The following ANKRD30A variants were observed in gnomAD, a reference collection of about 807,000 sequenced individuals.
ANKRD30A encodes the protein ankyrin repeat domain 30A.
A neutral mutation model predicts 166.3 loss-of-function variants in ANKRD30A; 170 were observed. The observed-to-expected ratio is 1.02, with a 90% CI of 0.90 to 1.16. The LOEUF (loss-of-function observed/expected upper bound fraction) is 1.16. ANKRD30A is among the 50% of genes most tolerant of loss of function. The pLI, the probability that ANKRD30A is intolerant of heterozygous loss-of-function variation, is 0.00. For missense variants in ANKRD30A, 1,630 were observed against 1,518.0 expected, an observed-to-expected ratio of 1.07 and a Z score of -1.23; for synonymous variants, 564 against 508.9, an observed-to-expected ratio of 1.11 and a Z score of -1.46.
At position 37,132,328 on chromosome 10, in the gene ANKRD30A, C is replaced by T. The variant is rs768887908; in HGVS notation, c.599C>T (p.Ala200Val). The change falls in exon 4 of 36, where the codon GCA becomes GTA. Residue 200 changes from alanine to valine, a missense_variant. This residue lies in a region of ANKRD30A where 904 missense variants were observed against 818.5 expected (regional missense o/e 1.10). Transcript: ENST00000361713. ...CTGATAAAAAATGCAAATGCGAATG[C>T]AGTTAATAAGTATAAATGGTATAGT... ...FLLIKNANAN[A>V]VNKYKCTALM... 9 of 1,596,498 alleles carry T rather than the reference C, an allele frequency of 5.6e-6. No homozygotes were observed. The highest frequency in any genetic ancestry group is 7.7e-6 in the Non-Finnish European group (9 of 1,170,156).
At chr10:37,244,552 C>A in the ANKRD30A span, among the ~76,000 whole-genome samples, 2 of 152,248 alleles carry the variant, frequency 1.3e-5, no homozygotes, top group African/African-American at 4.8e-5. Context: ...TTCTGTGTGA[C>A]CAGTCTCTTG....
chr10:37,204,602 GC>G (rs987767914), intron 31 of ANKRD30A, among the ~76,000 whole-genome samples: 20 of 152,112 alleles, frequency 1.3e-4, no homozygotes, highest in African/African-American at 4.6e-4. Flanking sequence ...GGCAACAAAA[GC>G]CAAAATTGAC....
chr10:37,193,507 T>C (rs1840777400), intron 27 of ANKRD30A, among the ~76,000 whole-genome samples: 1 of 152,160 alleles, frequency 6.6e-6, no homozygotes, highest in South Asian at 2.1e-4. Context: ...GGATAAAGTT[T>C]CCAATTTGCA....
At position 37,220,338 on chromosome 10, in the gene ANKRD30A, C is replaced by A. The variant is rs1842844212; in HGVS notation, c.4185+441C>A. 4.0e-5 allele frequency among the ~76,000 whole-genome samples: 6 copies of A among 151,106 alleles called. No individual in the cohort carries two copies. The South Asian group carries it at 1.2e-3, about 31-fold the overall frequency. On this transcript the variant is annotated intron_variant, in intron 34 of 35. Coordinates refer to ENST00000361713, the MANE Select transcript of ANKRD30A (RefSeq NM_052997.3). ...AATTAAGATTCAATTTAGCAATTTA[C>A]TTTGACAGTTAATTCTAAATTTTCC... is the stretch of plus-strand genomic sequence containing the variant.
In ANKRD30A at chr10:37,208,057, T is replaced by C. The variant is rs1388185453; in HGVS notation, c.2869+6732T>C. 2.6e-5 allele frequency among the ~76,000 whole-genome samples: 4 copies of C among 152,216 alleles called. No homozygotes were observed. In the South Asian group the frequency reaches 8.3e-4, roughly 32 times the overall value. ...TTGTGGGGAAAGGAAGACAAGAGAC[T>C]GCTTTTTAGAAGAAAAAAAAATTCA... is the stretch of plus-strand genomic sequence containing the variant. On this transcript the variant is annotated intron_variant, in intron 31 of 35. Transcript: ENST00000361713.
At chr10:37,183,888 T>C (rs1438545111) in intron 24 of ANKRD30A, among the ~76,000 whole-genome samples, 1 of 148,834 alleles carries the variant, frequency 6.7e-6, no homozygotes, top group Non-Finnish European at 1.5e-5. Context: ...GTGGCTCACG[T>C]CTGTAACGCC....
At chr10:37,230,887 C>G (rs898180162) in intron 34 of ANKRD30A, among the ~76,000 whole-genome samples, 1 of 152,038 alleles carries the variant, frequency 6.6e-6, no homozygotes, top group Non-Finnish European at 1.5e-5. Flanking sequence ...GCCCCACCTC[C>G]GATGCCTTGG....
At chr10:37,148,937 G>C (rs569942120) in intron 9 of ANKRD30A, among the ~76,000 whole-genome samples, 1 of 152,022 alleles carries the variant, frequency 6.6e-6, no homozygotes, top group Admixed American at 6.6e-5. Context: ...AATAAATATT[G>C]TGGTGACTTT....
intron 6 of ANKRD30A, among the ~76,000 whole-genome samples, chr10:37,139,823 G>A (rs202112123): frequency 6.6e-6 from 1 of 152,082 alleles, no homozygotes; most frequent in Admixed American, 6.6e-5. Context: ...TAAATGGTTT[G>A]CATTTAGTAA....
chr10:37,193,279 T>A (rs1840756097), intron 27 of ANKRD30A, 21 bp downstream of exon 27: 1 of 1,600,522 alleles, frequency 6.2e-7, no homozygotes, highest in African/African-American at 1.3e-5. Context: ...TAATTTTAAT[T>A]TTACTCTGGA....
intron 9 of ANKRD30A, among the ~76,000 whole-genome samples, chr10:37,148,471 T>G (rs1021629473): frequency 9.9e-5 from 15 of 152,054 alleles, no homozygotes; most frequent in African/African-American, 2.9e-4. Context: ...TTTTTTTAAA[T>G]TTTTTTAAAA....
intron 9 of ANKRD30A, among the ~76,000 whole-genome samples, chr10:37,148,178 A>T (rs1173365065): frequency 2.6e-5 from 4 of 152,126 alleles, no homozygotes; most frequent in African/African-American, 9.6e-5. Flanking sequence ...TGCTGATACC[A>T]GTGGTACTTG....
At chr10:37,209,135 A>G (rs894963854) in intron 31 of ANKRD30A, among the ~76,000 whole-genome samples, 4 of 152,158 alleles carry the variant, frequency 2.6e-5, no homozygotes, top group African/African-American at 9.6e-5. Flanking sequence ...AATCATGTTC[A>G]TAAGGCAGTT....
downstream of ANKRD30A, among the ~76,000 whole-genome samples, chr10:37,237,194 G>C (rs1843704269): frequency 6.6e-6 from 1 of 152,190 alleles, no homozygotes. Context: ...GTCTCAGACG[G>C]AAGACCTAAA....
At chr10:37,241,309 A>G in the ANKRD30A span, 1 of 150,920 alleles carries the variant, frequency 6.6e-6, no homozygotes, top group Non-Finnish European at 1.5e-5. Flanking sequence ...TATAATATAA[A>G]AAATTGTAAT....
chr10:37,144,233 G>C (rs2132538779), intron 7 of ANKRD30A, among the ~76,000 whole-genome samples: 1 of 152,252 alleles, frequency 6.6e-6, no homozygotes, highest in African/African-American at 2.4e-5. Context: ...TCTGTCTCAT[G>C]GCTGTCAGTA....
chr10:37,205,404 A>T (rs1356291361), intron 31 of ANKRD30A, among the ~76,000 whole-genome samples: 1 of 149,292 alleles, frequency 6.7e-6, no homozygotes, highest in African/African-American at 2.5e-5. Context: ...AACAATGAGA[A>T]CACTTGGACA....
the ANKRD30A span, among the ~76,000 whole-genome samples, chr10:37,249,194 G>T: frequency 1.3e-5 from 2 of 152,160 alleles, no homozygotes; most frequent in African/African-American, 2.4e-5. Context: ...CTTCTGGGAA[G>T]GCTTCCTAGT....
chr10:37,232,652 TTTTATA>T (rs1300231837), downstream of ANKRD30A: 92 of 22,190 alleles, frequency 4.1e-3, 1 homozygote, highest in African/African-American at 9.6e-3. Flanking sequence ...GAAGCATTGG[TTTTATA>T]TATATATATA....
Sources: allele counts gnomAD v4.1 joint callset (sites outside exome capture counted in the v4.1 genomes callset), GRCh38; gene constraint gnomAD v4.1.1; regional missense constraint gnomAD v4.1.1; transcripts MANE v1.5; gene names NCBI Gene and HGNC (gene_info 2026-07-23, HGNC 2026-07-21).